Variants in JPH3 observed in about 807,000 individuals in gnomAD.
The protein encoded by JPH3 is junctophilin 3.
JPH3 carries 11 observed loss-of-function variants against 59.6 expected under a neutral mutation model. The ratio of observed to expected loss-of-function variants is 0.18; its 90% CI spans 0.12 to 0.31. JPH3 has a LOEUF of 0.31. Ranked by LOEUF, JPH3 falls within the 10% of genes least tolerant of loss-of-function variation. JPH3 has a pLI of 1.00. For missense variants in JPH3, 1,202 were observed against 1,105.7 expected (o/e 1.09, Z -1.24); for synonymous variants, 673 against 483.6 (o/e 1.39, Z -5.14).
chr16:87,602,435 GGC>G (rs2030243790), upstream of JPH3, among the ~76,000 whole-genome samples: 1 of 100,976 alleles, frequency 9.9e-6, no homozygotes, highest in Non-Finnish European at 2.0e-5. Flanking sequence ...CGGGGGCGGG[GGC>G]GGGGGGCGGG....
intron 2 of JPH3, among the ~76,000 whole-genome samples, chr16:87,665,361 T>C (rs60781365): frequency 0.062 from 9,415 of 151,782 alleles, 1,013 homozygotes; most frequent in African/African-American, 0.22. Context: ...CTGAGCCAGG[T>C]CACCCTGGAG....
At position 87,644,502 on chromosome 16, in the gene JPH3, C is replaced by T. The variant is rs1005722723; in HGVS notation, c.627C>T (p.Ser209=). ...ACAGTGACTCCGAGATCCTCAAGAG[C>T]AAGAAGAAGGGGCTGTTTCGGCGCT... ...VAHSDSEILK[S]KKKGLFRRSL... is the part of the protein sequence containing the mutation. Residue 209 remains serine, a synonymous_variant, in exon 2 of 5, where the codon AGC becomes AGT. Transcript: ENST00000284262. The T allele has an allele frequency of 1.9e-6, 3 of 1,612,884 alleles. No homozygotes were observed. Among genetic ancestry groups the T allele is most frequent in the Middle Eastern group, 1.7e-4 (1 of 6,058 alleles).
At chr16:87,609,043 AAAG>A (rs1163816957) in intron 1 of JPH3, among the ~76,000 whole-genome samples, 4 of 152,152 alleles carry the variant, frequency 2.6e-5, no homozygotes, top group Admixed American at 6.5e-5. Context: ...CTCAAAAGAA[AAAG>A]AAGAAGTGTG....
intron 1 of JPH3, among the ~76,000 whole-genome samples, chr16:87,606,407 T>A (rs561921764): frequency 2.0e-5 from 3 of 152,330 alleles, no homozygotes; most frequent in East Asian, 3.9e-4. Flanking sequence ...TGCCAACTCC[T>A]CCTCCTCCAG....
chr16:87,677,651 GC>G (rs2033186092), intron 2 of JPH3, among the ~76,000 whole-genome samples: 1 of 152,144 alleles, frequency 6.6e-6, no homozygotes, highest in Non-Finnish European at 1.5e-5. Flanking sequence ...ATACCTTCTC[GC>G]CAGCTGACGG....
intron 1 of JPH3, among the ~76,000 whole-genome samples, chr16:87,628,928 A>G (rs753795036): frequency 7.9e-5 from 12 of 152,076 alleles, no homozygotes; most frequent in Non-Finnish European, 1.6e-4. Flanking sequence ...GATGAGCCCC[A>G]CTTCTTAGCC....
intron 3 of JPH3, among the ~76,000 whole-genome samples, chr16:87,686,359 T>C (rs373239670): frequency 4.2e-4 from 45 of 108,000 alleles, no homozygotes; most frequent in African/African-American, 9.5e-4. Context: ...AGGGCTCAGT[T>C]CTGGATTCAG....
At chr16:87,684,542 G>T (rs2033371278) in intron 3 of JPH3, 2 of 436,188 alleles carry the variant, frequency 4.6e-6, no homozygotes, top group Non-Finnish European at 8.3e-6. Context: ...GTCCCTGACG[G>T]TGAATTCCCA....
chr16:87,613,269 T>G (rs2030804667), intron 1 of JPH3, among the ~76,000 whole-genome samples: 2 of 148,668 alleles, frequency 1.3e-5, no homozygotes, highest in East Asian at 4.1e-4. Flanking sequence ...GCTAATTTTT[T>G]GTATTTTGTT....
At chr16:87,686,754 G>C (rs937490664) in intron 3 of JPH3, among the ~76,000 whole-genome samples, 2 of 152,208 alleles carry the variant, frequency 1.3e-5, no homozygotes, top group African/African-American at 4.8e-5. Flanking sequence ...GTCCCTGCAG[G>C]AGGGGCCTTG....
At chr16:87,621,225 G>A (rs1166992804) in intron 1 of JPH3, among the ~76,000 whole-genome samples, 1 of 152,236 alleles carries the variant, frequency 6.6e-6, no homozygotes, top group Non-Finnish European at 1.5e-5. Flanking sequence ...TCTCGCCCTG[G>A]CAGCTGGACC....
chr16:87,656,054 G>C (rs1221663359), intron 2 of JPH3, among the ~76,000 whole-genome samples: 3 of 152,370 alleles, frequency 2.0e-5, no homozygotes, highest in Admixed American at 1.3e-4. Context: ...TTGGCAAGCT[G>C]CACCCCTTGA....
At chr16:87,621,256 G>A (rs1195618399) in intron 1 of JPH3, among the ~76,000 whole-genome samples, 2 of 152,250 alleles carry the variant, frequency 1.3e-5, no homozygotes, top group African/African-American at 4.8e-5. Context: ...CAGAGTGCCA[G>A]GGCCAGTGCC....
At chr16:87,628,138 A>T (rs1319217108) in intron 1 of JPH3, among the ~76,000 whole-genome samples, 1 of 152,248 alleles carries the variant, frequency 6.6e-6, no homozygotes, top group Non-Finnish European at 1.5e-5. Flanking sequence ...CTGCTCTCCC[A>T]GGCCCCACAA....
At chr16:87,673,135 G>A (rs937930684) in intron 2 of JPH3, among the ~76,000 whole-genome samples, 2 of 150,912 alleles carry the variant, frequency 1.3e-5, no homozygotes, top group African/African-American at 2.4e-5. Flanking sequence ...GACACAGTGC[G>A]ACTCTGTCAT....
At chr16:87,685,627 CGT>C (rs2033398792) in intron 3 of JPH3, among the ~76,000 whole-genome samples, 1 of 152,236 alleles carries the variant, frequency 6.6e-6, no homozygotes. Context: ...AAGCCAGTGC[CGT>C]CGGGGGCACC....
Position 87,689,499 on chromosome 16 carries a change from T to TCCCC in JPH3, c.1286-146_1286-143dup, listed in dbSNP as rs1400626071. The TCCCC allele has an allele frequency of 1.8e-5, 14 of 777,596 alleles. No homozygotes were observed. The East Asian group carries it at 2.1e-4, about 12-fold the overall frequency. The allele number at this position is 777,596 out of a possible 1,614,324, so 48.2% of individuals were successfully genotyped here. On this transcript the variant is annotated intron_variant, in intron 3 of 4. Transcript: ENST00000284262. The stretch of plus-strand genomic sequence containing the variant: ...GGGCTTTGGGAGCCACGGTCCCCAC[T>TCCCC]CCCCTCCCTTGCCTGCAGCCTTTCG...
chr16:87,620,567 G>T (rs2031148591), intron 1 of JPH3, among the ~76,000 whole-genome samples: 1 of 149,276 alleles, frequency 6.7e-6, no homozygotes, highest in Non-Finnish European at 1.5e-5. Flanking sequence ...GAGGGGGAAC[G>T]TCAGTCCTGC....
At chr16:87,641,627 T>C (rs981826844) in intron 1 of JPH3, among the ~76,000 whole-genome samples, 10 of 152,222 alleles carry the variant, frequency 6.6e-5, no homozygotes, top group African/African-American at 2.4e-4. Flanking sequence ...CAGGCTCTGC[T>C]CCTGGAGAAG....
Sources: gnomAD v4.1 joint callset for allele counts (sites outside exome capture counted in the v4.1 genomes callset) on GRCh38, gnomAD v4.1.1 for gene constraint, MANE v1.5 for transcripts, NCBI Gene and HGNC (gene_info 2026-07-23, HGNC 2026-07-21) for gene names.